Variants in PRKAR1A observed in about 807,000 individuals in gnomAD.
PRKAR1A encodes cAMP-dependent protein kinase type I-alpha regulatory subunit.
PRKAR1A carries 3 observed loss-of-function variants against 52.0 expected under a neutral mutation model. The ratio of observed to expected loss-of-function variants is 0.06; its 90% CI spans 0.03 to 0.15. The LOEUF (loss-of-function observed/expected upper bound fraction) is 0.15, where lower values mean the gene tolerates loss of function less well. Ranked by LOEUF, PRKAR1A falls within the 10% of genes least tolerant of loss-of-function variation. The pLI is 1.00. For synonymous variants in PRKAR1A, 188 were observed against 168.4 expected (o/e 1.12, Z -0.90); for missense variants, 240 against 477.4 (o/e 0.50, Z 4.63).
the PRKAR1A span, among the ~76,000 whole-genome samples, chr17:68,441,469 C>G: frequency 1.3e-5 from 2 of 152,234 alleles, no homozygotes; most frequent in African/African-American, 4.8e-5. Context: ...TCAACAGTCA[C>G]AGTTTCCATC....
intron 11 of PRKAR1A, chr17:68,541,766 C>T (rs2086306970): frequency 3.8e-6 from 2 of 527,942 alleles, no homozygotes; most frequent in Admixed American, 6.5e-5. Flanking sequence ...TATCCCATAA[C>T]ACCTAGTGTT....
the PRKAR1A span, among the ~76,000 whole-genome samples, chr17:68,459,363 A>G: frequency 3.9e-5 from 6 of 152,250 alleles, no homozygotes; most frequent in African/African-American, 1.2e-4. Flanking sequence ...TAAAGTTTTT[A>G]AAGTGTAAGC....
chr17:68,419,484 G>A, the PRKAR1A span, among the ~76,000 whole-genome samples: 1 of 152,200 alleles, frequency 6.6e-6, no homozygotes. Flanking sequence ...GCTGAGGCAG[G>A]AGAATTGCTT....
Position 68,524,975 on chromosome 17 carries a change from T to C in PRKAR1A, c.549+17T>C. On this transcript the variant is annotated intron_variant, in intron 6 of 10. Coordinates refer to ENST00000589228, the MANE Select transcript of PRKAR1A (RefSeq NM_002734.5). ...GAGACGGATGTAAGATTTACCAATA[T>C]CAAAAATATGTTGATCTTAAAAGCC... is the stretch of plus-strand genomic sequence containing the variant. The C allele has an allele frequency of 6.3e-7, 1 of 1,590,124 alleles. No homozygotes were observed. Among genetic ancestry groups the C allele is most frequent in the Non-Finnish European group, 8.6e-7 (1 of 1,158,476 alleles).
chr17:68,436,579 C>A, the PRKAR1A span: 1 of 1,068,764 alleles, frequency 9.4e-7, no homozygotes, highest in Non-Finnish European at 1.4e-6. Context: ...GTGCCACCTA[C>A]TGGCAAGGGG....
the PRKAR1A span, chr17:68,426,226 G>T: frequency 8.0e-7 from 1 of 1,246,802 alleles, no homozygotes; most frequent in Non-Finnish European, 1.1e-6. Flanking sequence ...CTGCTTTTAT[G>T]CCATGACCTG....
chr17:68,478,010 G>A, the PRKAR1A span, among the ~76,000 whole-genome samples: 15 of 152,258 alleles, frequency 9.9e-5, no homozygotes, highest in African/African-American at 3.1e-4. Flanking sequence ...GAGGATGGCC[G>A]CTGTGCCTGG....
At chr17:68,486,392 CTTTCTT>C in the PRKAR1A span, among the ~76,000 whole-genome samples, 5 of 30,468 alleles carry the variant, frequency 1.6e-4, no homozygotes, top group African/African-American at 3.0e-3. Context: ...CTTTCTCTTT[CTTTCTT>C]TCTTTCTTTC....
chr17:68,458,762 G>A, the PRKAR1A span, among the ~76,000 whole-genome samples: 12 of 152,160 alleles, frequency 7.9e-5, no homozygotes, highest in Admixed American at 2.0e-4. Context: ...TTGTATAACT[G>A]CTGATGGATT....
intron 5 of PRKAR1A, 30 bp from the exon 6 acceptor site, chr17:68,524,882 T>G: frequency 6.5e-7 from 1 of 1,547,874 alleles, no homozygotes; most frequent in Middle Eastern, 1.7e-4. Flanking sequence ...TAATTTGGAA[T>G]ATGCTTCTAA....
At chr17:68,478,971 G>A in the PRKAR1A span, among the ~76,000 whole-genome samples, 2 of 152,072 alleles carry the variant, frequency 1.3e-5, no homozygotes, top group South Asian at 2.1e-4. Flanking sequence ...CAGGCCATCC[G>A]CCCACCTTGG....
At chr17:68,498,177 C>T in the PRKAR1A span, among the ~76,000 whole-genome samples, 1 of 152,154 alleles carries the variant, frequency 6.6e-6, no homozygotes, top group Non-Finnish European at 1.5e-5. Flanking sequence ...GGTGCACTTC[C>T]TCTTTTCTCT....
the PRKAR1A span, among the ~76,000 whole-genome samples, chr17:68,468,487 C>T: frequency 7.2e-5 from 11 of 152,110 alleles, no homozygotes; most frequent in South Asian, 4.1e-4. Flanking sequence ...TGAGCTGAGT[C>T]GGCTGCAGCA....
the PRKAR1A span, chr17:68,452,961 T>A: frequency 6.2e-7 from 1 of 1,613,964 alleles, no homozygotes; most frequent in African/African-American, 1.3e-5. Context: ...GAAAACAGCT[T>A]ATACCCGGCT....
downstream of PRKAR1A, chr17:68,536,718 A>T: frequency 2.2e-6 from 1 of 453,270 alleles, no homozygotes; most frequent in African/African-American, 2.0e-5. Flanking sequence ...TGCCATCCTG[A>T]CCTTGGAGGA....
chr17:68,486,602 CCTT>C, the PRKAR1A span, among the ~76,000 whole-genome samples: 3 of 148,134 alleles, frequency 2.0e-5, no homozygotes, highest in Non-Finnish European at 4.5e-5. Flanking sequence ...CTTCTGCTTT[CCTT>C]CTTTTCTCTC....
the PRKAR1A span, among the ~76,000 whole-genome samples, chr17:68,465,775 A>G: frequency 6.6e-6 from 1 of 151,800 alleles, no homozygotes; most frequent in Non-Finnish European, 1.5e-5. Flanking sequence ...GGCCTGTCTC[A>G]GCTTTCTTGA....
intron 11 of PRKAR1A, among the ~76,000 whole-genome samples, chr17:68,547,304 G>T (rs2885731): frequency 8.6e-5 from 13 of 151,992 alleles, no homozygotes; most frequent in Admixed American, 3.3e-4. Flanking sequence ...TAAGTTCTAG[G>T]GTACATGTGC....
chr17:68,500,516 T>TC, the PRKAR1A span, among the ~76,000 whole-genome samples: 2 of 151,878 alleles, frequency 1.3e-5, no homozygotes, highest in Non-Finnish European at 2.9e-5. Flanking sequence ...CGAGTATTTT[T>TC]TTTTTTTTTT....
Sources: allele counts gnomAD v4.1 joint callset (sites outside exome capture counted in the v4.1 genomes callset), GRCh38; gene constraint gnomAD v4.1.1; transcripts MANE v1.5; gene names NCBI Gene and HGNC (gene_info 2026-07-23, HGNC 2026-07-21).